Variants in SP140L observed in about 807,000 individuals in gnomAD.
SP140L encodes the protein nuclear body protein SP140-like protein.
Under a neutral mutation model 84.3 loss-of-function variants are expected in SP140L, and 64 were observed. The ratio of observed to expected loss-of-function variants is 0.76; its 90% CI spans 0.62 to 0.94. SP140L has a LOEUF of 0.94. SP140L is among the 40% of genes least tolerant of loss of function. The pLI, the probability that SP140L is intolerant of heterozygous loss-of-function variation, is 0.00. For missense variants in SP140L, 628 were observed against 692.5 expected (o/e 0.91, Z 1.05); for synonymous variants, 242 against 236.9 (o/e 1.02, Z -0.20).
chr2:230,383,990 TA>T (rs1559449481), intron 8 of SP140L, among the ~76,000 whole-genome samples: 1 of 152,166 alleles, frequency 6.6e-6, no homozygotes, highest in Admixed American at 6.5e-5. Flanking sequence ...AGTATGTTTT[TA>T]TGTATCTATC....
At chr2:230,371,530 A>AGGC in intron 6 of SP140L, 68 bp from the exon 7 acceptor site, 1 of 1,326,274 alleles carries the variant, frequency 7.5e-7, no homozygotes. Context: ...TATAGTATGA[A>AGGC]TTGTCCTAAA....
rs1235625218 is a variant in SP140L, at chr2:230,402,833, G to A, written c.1680G>A (p.Glu560=). The part of the protein sequence containing the change: ...KDFGQMGLRL[E]AEFEKDFKEV... Reference sequence around the variant, plus strand: ...TTGGCCAAATGGGACTTAGACTGGAGGCTGAATTTGAGAAGGATTTCAAGG... The same window carrying A: ...TTGGCCAAATGGGACTTAGACTGGAAGCTGAATTTGAGAAGGATTTCAAGG... Residue 560 remains glutamate, a synonymous_variant, in exon 19 of 19, where the codon GAG becomes GAA. Coordinates refer to ENST00000415673, the MANE Select transcript of SP140L (RefSeq NM_138402.6). 3.7e-6 allele frequency: 6 copies of A among 1,612,860 alleles called. No homozygotes were observed. Among genetic ancestry groups the A allele is most frequent in the Non-Finnish European group, 4.2e-6 (5 of 1,179,712 alleles).
At chr2:230,360,852 G>T (rs2060692485) in intron 4 of SP140L, among the ~76,000 whole-genome samples, 1 of 152,164 alleles carries the variant, frequency 6.6e-6, no homozygotes, top group African/African-American at 2.4e-5. Context: ...ATGTTTATCT[G>T]GGAACTGTTC....
intron 13 of SP140L, among the ~76,000 whole-genome samples, chr2:230,396,535 A>G (rs2062055692): frequency 6.6e-6 from 1 of 152,186 alleles, no homozygotes; most frequent in Admixed American, 6.5e-5. Flanking sequence ...CAGTTGGTAA[A>G]TTCTCTAGTT....
intron 2 of SP140L, among the ~76,000 whole-genome samples, chr2:230,348,428 G>A (rs879522705): frequency 3.9e-5 from 6 of 152,168 alleles, no homozygotes; most frequent in Admixed American, 2.6e-4. Flanking sequence ...TCCAATGAAT[G>A]CATATTAGTA....
chr2:230,350,432 G>C (rs1389165839), intron 2 of SP140L, among the ~76,000 whole-genome samples: 1 of 152,214 alleles, frequency 6.6e-6, no homozygotes, highest in Non-Finnish European at 1.5e-5. Flanking sequence ...TTAGAGGTAT[G>C]TGTTATTGTG....
intron 2 of SP140L, among the ~76,000 whole-genome samples, chr2:230,329,359 T>C (rs1417885923): frequency 6.6e-6 from 1 of 152,224 alleles, no homozygotes; most frequent in East Asian, 1.9e-4. Flanking sequence ...TTCCCCGTGG[T>C]CCTTTCATCT....
At chr2:230,343,404 G>A (rs2060119460) in intron 2 of SP140L, among the ~76,000 whole-genome samples, 1 of 147,732 alleles carries the variant, frequency 6.8e-6, no homozygotes, top group African/African-American at 2.5e-5. Context: ...CCCTGCAAAG[G>A]ACATGATCTT....
At chr2:230,367,188 A>G (rs149913753) in intron 5 of SP140L, among the ~76,000 whole-genome samples, 51 of 152,256 alleles carry the variant, frequency 3.3e-4, no homozygotes, top group African/African-American at 1.2e-3. Context: ...TCTTATAGTT[A>G]TAATAGGCTG....
intron 2 of SP140L, among the ~76,000 whole-genome samples, chr2:230,333,758 T>G (rs571576622): frequency 7.3e-4 from 111 of 151,270 alleles, no homozygotes; most frequent in Admixed American, 2.2e-3. Context: ...AGATTTTTTG[T>G]TTTTTTTTCT....
Position 230,403,117 on chromosome 2 carries a change from G to A in SP140L, c.*221G>A, listed in dbSNP as rs2062427928. The A allele has an allele frequency of 4.1e-6, 2 of 488,506 alleles. No homozygotes were observed. Among genetic ancestry groups the A allele is most frequent in the Non-Finnish European group, 7.2e-6 (2 of 279,058 alleles). 30.3% of individuals were successfully genotyped at this position (488,506 alleles called of 1,614,324 possible). A position where few individuals can be genotyped will look rare whatever the true frequency, so the allele number is the denominator to read the frequency against. On this transcript the variant is annotated 3_prime_UTR_variant, in exon 19 of 19. Transcript: ENST00000415673. ...GAGGAACTGAGATCACAGGGAAGGAGATTGGAGGTGATACCAGCACAGACA... is the reference window on the plus strand; with the variant it reads ...GAGGAACTGAGATCACAGGGAAGGAAATTGGAGGTGATACCAGCACAGACA...
chr2:230,365,303 A>G (rs891323202), intron 5 of SP140L, among the ~76,000 whole-genome samples: 3 of 152,006 alleles, frequency 2.0e-5, no homozygotes, highest in African/African-American at 7.2e-5. Context: ...GATGGGTGGT[A>G]TTCAATTCTG....
intron 7 of SP140L, 105 bp downstream of exon 7, chr2:230,371,756 C>A: frequency 9.1e-7 from 1 of 1,099,962 alleles, no homozygotes; most frequent in Non-Finnish European, 1.3e-6. Flanking sequence ...ATTTGCAATA[C>A]TGTGGTAGAG....
chr2:230,383,537 G>C lies in SP140L; in HGVS notation c.665G>C (p.Arg222Thr). The C allele has an allele frequency of 6.2e-7, 1 of 1,606,628 alleles. No homozygotes were observed. Among genetic ancestry groups the C allele is most frequent in the Non-Finnish European group, 8.5e-7 (1 of 1,176,488 alleles). ...RRKKKGHGWS[R>T]MGTRTQKNNQ... ...AAAAAGAAGGGGCATGGCTGGAGCA[G>C]AATGGGAACGAGAACGCAGAAAAAC... Residue 222 changes from arginine (R) to threonine (T), a missense_variant, in exon 8 of 19, where the codon AGA (arginine) becomes ACA (threonine). Around this residue, in one of 4 missense-constraint regions of SP140L, gnomAD observed 525 missense variants for 518.4 expected, o/e 1.01. Transcript: ENST00000415673.
chr2:230,375,689 A>G (rs1009518848), intron 7 of SP140L, among the ~76,000 whole-genome samples: 2 of 152,154 alleles, frequency 1.3e-5, no homozygotes, highest in African/African-American at 2.4e-5. Flanking sequence ...GGCTATTTAT[A>G]TGTCTTCTTT....
intron 2 of SP140L, among the ~76,000 whole-genome samples, chr2:230,332,721 A>G (rs1422173446): frequency 1.3e-5 from 2 of 152,158 alleles, no homozygotes; most frequent in Non-Finnish European, 2.9e-5. Context: ...AATTCTTCCC[A>G]GGCACCCTGC....
intron 2 of SP140L, among the ~76,000 whole-genome samples, chr2:230,351,656 G>C (rs945872142): frequency 6.6e-6 from 1 of 151,972 alleles, no homozygotes; most frequent in African/African-American, 2.4e-5. Flanking sequence ...ATTTTATCCA[G>C]GTTTTTTTTC....
intron 7 of SP140L, among the ~76,000 whole-genome samples, chr2:230,379,062 A>C (rs1400412816): frequency 6.6e-6 from 1 of 152,170 alleles, no homozygotes; most frequent in Non-Finnish European, 1.5e-5. Flanking sequence ...CCAAGTGCTA[A>C]TGTTGTTATA....
intron 2 of SP140L, among the ~76,000 whole-genome samples, chr2:230,336,386 T>C (rs1019307627): frequency 6.6e-6 from 1 of 152,202 alleles, no homozygotes; most frequent in African/African-American, 2.4e-5. Flanking sequence ...GGTGGGTCCT[T>C]GAGCTAAACT....
Sources: allele counts gnomAD v4.1 joint callset (sites outside exome capture counted in the v4.1 genomes callset), GRCh38; gene constraint gnomAD v4.1.1; regional missense constraint gnomAD v4.1.1; transcripts MANE v1.5; gene names NCBI Gene and HGNC (gene_info 2026-07-23, HGNC 2026-07-21).